AP4E1: variants seen among roughly 807,000 people sequenced by gnomAD.
AP4E1 encodes the protein AP-4 complex subunit epsilon-1.
AP4E1 carries 56 observed loss-of-function variants against 128.2 expected under a neutral mutation model. The observed-to-expected ratio is 0.44, with a 90% CI of 0.35 to 0.55. AP4E1 has a LOEUF of 0.55. AP4E1 is among the 20% of genes least tolerant of loss of function. The pLI, the probability that AP4E1 is intolerant of heterozygous loss-of-function variation, is 0.00. For synonymous variants in AP4E1, 484 were observed against 473.1 expected (o/e 1.02, Z -0.30); for missense variants, 1,324 against 1,307.7 (o/e 1.01, Z -0.19).
chr15:50,924,607 C>G (rs2063747152), intron 4 of AP4E1, among the ~76,000 whole-genome samples: 1 of 152,018 alleles, frequency 6.6e-6, no homozygotes, highest in Non-Finnish European at 1.5e-5. Flanking sequence ...ATTAAGGTTA[C>G]TAGTAGCTTA....
At position 50,997,344 on chromosome 15, in the gene AP4E1, G is replaced by T. The variant is rs753628608; in HGVS notation, c.2365G>T (p.Val789Phe). Residue 789 changes from valine to phenylalanine, a missense_variant, in exon 18 of 21, where the codon GTC becomes TTC. Val to Phe is a conservative substitution (Grantham distance 50). Coordinates refer to ENST00000261842, the MANE Select transcript of AP4E1 (RefSeq NM_007347.5). ...TTTGCAGCTGGGAAAAGCAGATACT[G>T]TCTCTCACAAGTTCAGAAGGAAATC... Reference protein sequence around the residue: ...TINLLGKADTVSHKFRRKSKV... With the variant: ...TINLLGKADTFSHKFRRKSKV... 1 of 1,600,270 alleles carries T rather than the reference G, an allele frequency of 6.2e-7. No homozygotes were observed. The highest frequency in any genetic ancestry group is 1.1e-5 in the South Asian group (1 of 87,358).
chr15:50,945,541 G>T, intron 10 of AP4E1: 1 of 741,032 alleles, frequency 1.3e-6, no homozygotes, highest in Non-Finnish European at 2.5e-6. Context: ...CCCTCCCACT[G>T]GGAAAGAGCT....
At chr15:50,999,028 T>C (rs763334006) in intron 18 of AP4E1, 44 bp from the exon 19 acceptor site, 1 of 1,576,066 alleles carries the variant, frequency 6.3e-7, no homozygotes. Context: ...ATAGTCTGTA[T>C]TGATCCCTTC....
intron 16 of AP4E1, among the ~76,000 whole-genome samples, chr15:50,990,835 C>CT (rs1291470595): frequency 2.0e-5 from 3 of 152,120 alleles, no homozygotes; most frequent in African/African-American, 7.2e-5. Context: ...CCTCCTGCCC[C>CT]TTTTTGCCAG....
intron 6 of AP4E1, among the ~76,000 whole-genome samples, chr15:50,929,409 TG>T (rs1280119737): frequency 6.6e-6 from 1 of 151,780 alleles, no homozygotes; most frequent in Admixed American, 6.6e-5. Flanking sequence ...TGTGGAAAAA[TG>T]GTATCAGTGG....
chr15:50,941,242 T>C (rs2063982281), intron 8 of AP4E1, among the ~76,000 whole-genome samples, 200 bp from the exon 9 acceptor site: 1 of 152,212 alleles, frequency 6.6e-6, no homozygotes, highest in African/African-American at 2.4e-5. Context: ...ATATAATTTT[T>C]TGAACATTGT....
At chr15:50,931,411 CA>C (rs1234547722) in intron 7 of AP4E1, among the ~76,000 whole-genome samples, 1 of 151,962 alleles carries the variant, frequency 6.6e-6, no homozygotes, top group Non-Finnish European at 1.5e-5. Flanking sequence ...ACTAAAAATA[CA>C]AAAATTAGTT....
intron 13 of AP4E1, 115 bp downstream of exon 13, chr15:50,950,284 A>G (rs953813771): frequency 1.5e-5 from 10 of 685,842 alleles, no homozygotes; most frequent in African/African-American, 1.1e-4. Flanking sequence ...TCAGCTGTCA[A>G]TTTTTCAAAT....
At chr15:50,957,109 G>C (rs1432845380) in intron 13 of AP4E1, among the ~76,000 whole-genome samples, 1 of 152,162 alleles carries the variant, frequency 6.6e-6, no homozygotes, top group Non-Finnish European at 1.5e-5. Context: ...AGTGTTAACA[G>C]CTCAGTGGGC....
chr15:51,001,158 A>G lies in AP4E1; in HGVS notation c.3228A>G (p.Leu1076=), dbSNP rs765767475. ...CACTAAAGACTCTGCAACAGAAACT[A>G]AGACTCCATATTATTGAGATTATAG... ...PSALKTLQQK[L]RLHIIEIIGN... Residue 1076 remains leucine, a synonymous_variant, in exon 20 of 21, where the codon CTA becomes CTG. Transcript: ENST00000261842. 12 of 1,613,588 alleles carry G rather than the reference A, an allele frequency of 7.4e-6. No individual in the cohort carries two copies. The East Asian group carries it at 2.5e-4, about 33-fold the overall frequency.
Position 50,912,075 on chromosome 15 carries a change from C to T in AP4E1, c.151-3C>T, listed in dbSNP as rs1055114586. On this transcript the variant is annotated splice_region_variant and splice_polypyrimidine_tract_variant and intron_variant, in intron 1 of 20. Transcript: ENST00000261842. Reference sequence around the variant, plus strand: ...AAGCATTTAAATATTTTCACTTTCTCAGGAAGAAGAAAAATTAATCCAGCA... The same window carrying T: ...AAGCATTTAAATATTTTCACTTTCTTAGGAAGAAGAAAAATTAATCCAGCA... The T allele has an allele frequency of 1.2e-6, 2 of 1,612,854 alleles. No individual in the cohort carries two copies. Among genetic ancestry groups the T allele is most frequent in the African/African-American group, 2.7e-5 (2 of 74,896 alleles).
chr15:50,994,344 A>G (rs2064843330), intron 17 of AP4E1, among the ~76,000 whole-genome samples: 1 of 152,090 alleles, frequency 6.6e-6, no homozygotes, highest in Non-Finnish European at 1.5e-5. Context: ...TGGCTAATGA[A>G]CCCACCTTGT....
chr15:50,962,889 C>CAAAAAAAAAAAAAAAAAAAAAAA (rs71127168), intron 14 of AP4E1, among the ~76,000 whole-genome samples: 8 of 38,716 alleles, frequency 2.1e-4, no homozygotes, highest in African/African-American at 9.2e-4. Context: ...AATTCAACAG[C>CAAAAAAAAAAAAAAAAAAAAAAA]AAAAAAAAAA....
At chr15:50,964,827 T>C (rs1295614527) in intron 14 of AP4E1, among the ~76,000 whole-genome samples, 2 of 152,118 alleles carry the variant, frequency 1.3e-5, no homozygotes, top group Non-Finnish European at 2.9e-5. Context: ...TCCCCAGCGT[T>C]GGAGGTAGGG....
chr15:50,922,257 G>A (rs1326476850), intron 3 of AP4E1, among the ~76,000 whole-genome samples: 5 of 151,778 alleles, frequency 3.3e-5, no homozygotes, highest in African/African-American at 7.3e-5. Flanking sequence ...GCTTGAGCTT[G>A]GAAGGTAGAG....
rs1374780660 is a variant in AP4E1, at chr15:50,948,154, T to A, written c.1311T>A (p.Ala437=). 6.2e-7 allele frequency: 1 copy of A among 1,613,776 alleles called. No individual in the cohort carries two copies. Among genetic ancestry groups the A allele is most frequent in the Non-Finnish European group, 8.5e-7 (1 of 1,179,910 alleles). The change falls in exon 11 of 21, where the codon GCT becomes GCA. Residue 437 remains alanine (A), a synonymous_variant. Coordinates refer to ENST00000261842, the MANE Select transcript of AP4E1 (RefSeq NM_007347.5). Reference sequence around the variant, plus strand: ...TGGTCGGCAAAATAGCAGAGCTGGCTGAGAAATATCCTTTTATTTCGACCA... The same window carrying A: ...TGGTCGGCAAAATAGCAGAGCTGGCAGAGAAATATCCTTTTATTTCGACCA... The part of the protein sequence containing the change: ...VNLVGKIAEL[A]EKYAPDNAWF...
At chr15:50,927,159 C>T (rs2063779070) in intron 5 of AP4E1, among the ~76,000 whole-genome samples, 1 of 152,078 alleles carries the variant, frequency 6.6e-6, no homozygotes, top group Non-Finnish European at 1.5e-5. Context: ...ACTTACTGAC[C>T]ATTTGTATGA....
intron 3 of AP4E1, among the ~76,000 whole-genome samples, chr15:50,922,182 A>AAC (rs1204098319): frequency 7.3e-5 from 11 of 151,120 alleles, no homozygotes; most frequent in Non-Finnish European, 1.0e-4. Context: ...AAAAAAAAAA[A>AAC]AATTAGCTCG....
chr15:50,999,053 T>C lies in AP4E1; in HGVS notation c.2905-19T>C. ...TTGATCCCTTCCTTCTTCAACACTT[T>C]TATTACTTCTATTTGCAGGTGACTG... On this transcript the variant is annotated intron_variant, in intron 18 of 20. Transcript: ENST00000261842. 1 of 1,612,828 alleles carries C rather than the reference T, an allele frequency of 6.2e-7. No homozygotes were observed. The highest frequency in any genetic ancestry group is 1.3e-5 in the African/African-American group (1 of 75,022).
Sources: gnomAD v4.1 joint callset for allele counts (sites outside exome capture counted in the v4.1 genomes callset) on GRCh38, gnomAD v4.1.1 for gene constraint, MANE v1.5 for transcripts, NCBI Gene and HGNC (gene_info 2026-07-23, HGNC 2026-07-21) for gene names.